CSMD3: variants seen among roughly 807,000 people sequenced by gnomAD.
CSMD3 encodes the protein CUB and sushi domain-containing protein 3.
In CSMD3, 177 loss-of-function variants were observed where a neutral mutation model predicts 435.2. The observed-to-expected ratio is 0.41, with a 90% CI of 0.36 to 0.46. The LOEUF is 0.46. CSMD3 is among the 20% of genes least tolerant of loss of function. The pLI is 0.34. For missense variants in CSMD3, 4,265 were observed against 4,504.6 expected (o/e 0.95, Z 1.52); for synonymous variants, 1,656 against 1,520.5 (o/e 1.09, Z -2.07).
chr8:112,880,781 T>G (rs2081425320), intron 10 of CSMD3, among the ~76,000 whole-genome samples: 1 of 152,000 alleles, frequency 6.6e-6, no homozygotes, highest in Non-Finnish European at 1.5e-5. Flanking sequence ...GGCACTTGAC[T>G]TACCTATGTC....
chr8:112,354,058 A>G (rs192456568), intron 38 of CSMD3, among the ~76,000 whole-genome samples: 22 of 152,336 alleles, frequency 1.4e-4, no homozygotes, highest in Admixed American at 1.4e-3. Flanking sequence ...AAATTAATAC[A>G]TGTGATTCAC....
chr8:113,220,197 A>AG (rs1225110645), intron 3 of CSMD3, among the ~76,000 whole-genome samples: 1 of 151,452 alleles, frequency 6.6e-6, no homozygotes, highest in African/African-American at 2.4e-5. Flanking sequence ...CCGTTTGATG[A>AG]AAGAGCCCAG....
intron 22 of CSMD3, among the ~76,000 whole-genome samples, chr8:112,603,636 T>C (rs951432315): frequency 1.3e-5 from 2 of 152,222 alleles, no homozygotes; most frequent in African/African-American, 4.8e-5. Flanking sequence ...TTGTGGACAT[T>C]TTATGGTAGT....
At chr8:113,393,330 A>G (rs980678976) in intron 1 of CSMD3, among the ~76,000 whole-genome samples, 6 of 152,114 alleles carry the variant, frequency 3.9e-5, no homozygotes, top group Non-Finnish European at 5.9e-5. Flanking sequence ...TTGAGGCTCA[A>G]AAACTGCACA....
intron 22 of CSMD3, among the ~76,000 whole-genome samples, chr8:112,623,218 G>T (rs1834216466): frequency 6.6e-6 from 1 of 152,064 alleles, no homozygotes; most frequent in African/African-American, 2.4e-5. Context: ...AAAAAGAGCT[G>T]CAAAAAAGCC....
chr8:113,432,012 T>C (rs1288717698), intron 1 of CSMD3, among the ~76,000 whole-genome samples: 9 of 152,184 alleles, frequency 5.9e-5, no homozygotes, highest in Admixed American at 5.2e-4. Flanking sequence ...CTTAATTTAT[T>C]GAGTAATTCT....
In CSMD3 at chr8:113,407,031, A is replaced by T. The variant is rs1260778234; in HGVS notation, c.178+29646T>A. On this transcript the variant is annotated intron_variant, in intron 1 of 70. Transcript: ENST00000297405. ...GTAGGACACATGTTGTGTTTACCAAATTAGTAGACTACAAAAGTTAGAAGA... is the reference window on the plus strand; with the variant it reads ...GTAGGACACATGTTGTGTTTACCAATTTAGTAGACTACAAAAGTTAGAAGA... Among the ~76,000 whole-genome samples, 4 of 152,280 alleles carry T rather than the reference A, an allele frequency of 2.6e-5. No homozygotes were observed. The East Asian group carries it at 7.7e-4, about 29-fold the overall frequency.
At chr8:112,621,783 C>G (rs533155808) in intron 22 of CSMD3, among the ~76,000 whole-genome samples, 1 of 152,280 alleles carries the variant, frequency 6.6e-6, no homozygotes, top group African/African-American at 2.4e-5. Flanking sequence ...TCTTCTCAGT[C>G]TAAACTTACT....
In CSMD3 at chr8:112,472,704, G is replaced by A. The variant is rs2130754937; in HGVS notation, c.5282C>T (p.Pro1761Leu). 1.9e-6 allele frequency: 3 copies of A among 1,593,576 alleles called. No individual in the cohort carries two copies. The highest frequency in any genetic ancestry group is 8.6e-7 in the Non-Finnish European group (1 of 1,161,644). The change falls in exon 32 of 71, where the codon CCC becomes CTC. Residue 1761 changes from proline to leucine, a missense_variant. This residue lies in a region of CSMD3 where 3,255 missense variants were observed against 3,380.2 expected (regional missense o/e 0.96). Transcript: ENST00000297405. ...TGAACCTGTTGAACGACTTCCACAG[G>A]GCGCTAGGAAAAAATGGCAAAAATA... is the stretch of plus-strand genomic sequence containing the variant. Reference protein sequence around the residue: ...WNRALPSCHAPCGSRSTGSEG... With the variant: ...WNRALPSCHALCGSRSTGSEG...
At position 112,291,520 on chromosome 8, in the gene CSMD3, T is replaced by C. The variant is rs1384585423; in HGVS notation, c.8964A>G (p.Pro2988=). Residue 2988 remains proline (P), a synonymous_variant, in exon 56 of 71, where the codon CCA becomes CCG. Transcript: ENST00000297405. ...ACATTATCTACTTACTGATACATTCTGGTAAAGGTTTGTCCCATTGTCCAT... is the reference window on the plus strand; with the variant it reads ...ACATTATCTACTTACTGATACATTCCGGTAAAGGTTTGTCCCATTGTCCAT... The part of the protein sequence containing the change: ...QPNGQWDKPL[P]ECIMIDCGHP... 4 of 1,603,050 alleles carry C rather than the reference T, an allele frequency of 2.5e-6. No homozygotes were observed. The highest frequency in any genetic ancestry group is 3.4e-6 in the Non-Finnish European group (4 of 1,170,574).
intron 4 of CSMD3, among the ~76,000 whole-genome samples, chr8:113,106,178 A>T (rs3853261): frequency 0.67 from 102,136 of 151,818 alleles, 35,956 homozygotes; most frequent in East Asian, 0.95. Flanking sequence ...ATGTTAGAGA[A>T]TATATAACCA....
At position 113,098,987 on chromosome 8, in the gene CSMD3, A is replaced by G. The variant is rs765865554; in HGVS notation, c.710-24T>C. 2.8e-6 allele frequency: 4 copies of G among 1,448,442 alleles called. No homozygotes were observed. The Admixed American group carries it at 6.7e-5, about 24-fold the overall frequency. 89.7% of individuals were successfully genotyped at this position (1,448,442 alleles called of 1,614,324 possible). On this transcript the variant is annotated intron_variant, in intron 4 of 70. Coordinates refer to ENST00000297405, the MANE Select transcript of CSMD3 (RefSeq NM_198123.2). The stretch of plus-strand genomic sequence containing the variant: ...AGCTGTTAAAAATGACAAAATATTC[A>G]GTTGTAAGTTATTGAGATAAATGCA...
intron 1 of CSMD3, among the ~76,000 whole-genome samples, chr8:113,411,027 G>C (rs953362904): frequency 1.3e-5 from 2 of 151,186 alleles, no homozygotes; most frequent in African/African-American, 4.9e-5. Flanking sequence ...AATAAAGAAA[G>C]AAAAAGAGAA....
chr8:113,183,464 T>C (rs2131942291), intron 3 of CSMD3, among the ~76,000 whole-genome samples: 1 of 152,164 alleles, frequency 6.6e-6, no homozygotes, highest in African/African-American at 2.4e-5. Flanking sequence ...TCATTGGAGC[T>C]ACCTTGAGGT....
At chr8:113,002,143 T>C (rs1181881098) in intron 6 of CSMD3, among the ~76,000 whole-genome samples, 1 of 152,112 alleles carries the variant, frequency 6.6e-6, no homozygotes. Context: ...AGCACTTTTA[T>C]TGTGTGAGAC....
chr8:112,514,585 T>C (rs188595097), intron 28 of CSMD3, among the ~76,000 whole-genome samples: 1 of 152,264 alleles, frequency 6.6e-6, no homozygotes, highest in African/African-American at 2.4e-5. Flanking sequence ...GTCTTTCCTA[T>C]TTACCTTCAT....
intron 5 of CSMD3, among the ~76,000 whole-genome samples, chr8:113,047,077 G>A (rs1243035722): frequency 6.6e-6 from 1 of 152,188 alleles, no homozygotes; most frequent in Admixed American, 6.5e-5. Flanking sequence ...TGGCCTCCAC[G>A]GAAGAAGAGG....
intron 13 of CSMD3, among the ~76,000 whole-genome samples, chr8:112,766,947 A>G (rs947725369): frequency 6.6e-6 from 1 of 151,856 alleles, no homozygotes; most frequent in Non-Finnish European, 1.5e-5. Context: ...AAATATAAAT[A>G]GTGACTTAGC....
At chr8:113,285,806 C>T (rs191953605) in intron 2 of CSMD3, among the ~76,000 whole-genome samples, 28 of 152,120 alleles carry the variant, frequency 1.8e-4, no homozygotes, top group African/African-American at 6.5e-4. Context: ...TGTTCTCTCA[C>T]CCTAAATTTG....
Sources: gnomAD v4.1 joint callset for allele counts (sites outside exome capture counted in the v4.1 genomes callset) on GRCh38, gnomAD v4.1.1 for gene constraint, gnomAD v4.1.1 regional missense constraint, MANE v1.5 for transcripts, NCBI Gene and HGNC (gene_info 2026-07-23, HGNC 2026-07-21) for gene names.